Variants in TSHR observed in about 807,000 individuals in gnomAD.
TSHR encodes thyroid stimulating hormone receptor, also known as thyrotropin receptor.
In TSHR, 51 loss-of-function variants were observed where a neutral mutation model predicts 64.1. The observed-to-expected ratio is 0.80, with a 90% CI of 0.64 to 1.01. TSHR has a LOEUF of 1.01. TSHR is among the 50% of genes least tolerant of loss of function. The pLI is 0.00. For synonymous variants in TSHR, 361 were observed against 361.9 expected (o/e 1.00, Z 0.03); for missense variants, 877 against 942.8 (o/e 0.93, Z 0.91).
chr14:81,013,162 C>G (rs567890433), intron 1 of TSHR: 1 of 152,294 alleles, frequency 6.6e-6, no homozygotes, highest in South Asian at 2.1e-4. Flanking sequence ...CTACATATGG[C>G]TAGCCCGTTT....
rs111240292 is a variant in TSHR, at chr14:81,046,011, C to T, written c.171-16137C>T. ...CTGCCTTGATAAGGATGGCTGAATGCTAGTCTCAGGTGGAACTTTGCTGCA... is the reference window on the plus strand; with the variant it reads ...CTGCCTTGATAAGGATGGCTGAATGTTAGTCTCAGGTGGAACTTTGCTGCA... On this transcript the variant is annotated intron_variant, in intron 1 of 9. Transcript: ENST00000298171. Among the ~76,000 whole-genome samples, 854 of 152,274 alleles carry T rather than the reference C, an allele frequency of 5.6e-3. 10 individuals are homozygous for T. Among genetic ancestry groups the T allele is most frequent in the Middle Eastern group, 0.031 (9 of 294 alleles).
chr14:81,104,086 T>C lies in TSHR; in HGVS notation c.615-4289T>C, dbSNP rs184289320. The stretch of plus-strand genomic sequence containing the variant: ...TATTATTTATCATGGGGTAAGTATT[T>C]GAACAGCTTGTAGGATATACTCTAA... On this transcript the variant is annotated intron_variant, in intron 7 of 9. Transcript: ENST00000298171. The C allele has an allele frequency of 1.9e-4, 184 of 985,454 alleles. No homozygotes were observed. In the African/African-American group the frequency reaches 3.0e-3, roughly 16 times the overall value. The allele number at this position is 985,454 out of a possible 1,614,324, so 61.0% of individuals were successfully genotyped here. A position where few individuals can be genotyped will look rare whatever the true frequency, so the allele number is the denominator to read the frequency against.
At chr14:80,964,945 C>G (rs1262033072) in intron 1 of TSHR, among the ~76,000 whole-genome samples, 3 of 152,098 alleles carry the variant, frequency 2.0e-5, no homozygotes, top group African/African-American at 7.2e-5. Flanking sequence ...TACTTGAGAC[C>G]ATCATTGTGA....
chr14:81,062,330 A>T, intron 2 of TSHR, 111 bp downstream of exon 2: 2 of 742,642 alleles, frequency 2.7e-6, no homozygotes, highest in East Asian at 5.4e-5. Flanking sequence ...AATGGCAGTT[A>T]TATTGTCAAT....
At chr14:80,989,887 G>A (rs1888641917) in intron 1 of TSHR, among the ~76,000 whole-genome samples, 1 of 152,090 alleles carries the variant, frequency 6.6e-6, no homozygotes, top group Non-Finnish European at 1.5e-5. Flanking sequence ...ATCAGCCAGC[G>A]ACCAACGGAG....
At chr14:81,058,391 A>T (rs1885977892) in intron 1 of TSHR, among the ~76,000 whole-genome samples, 1 of 152,224 alleles carries the variant, frequency 6.6e-6, no homozygotes, top group Admixed American at 6.5e-5. Flanking sequence ...TCTCTCACAT[A>T]ATTTCTATAT....
At chr14:81,112,472 A>G (rs1487938070) in intron 8 of TSHR, among the ~76,000 whole-genome samples, 2 of 152,048 alleles carry the variant, frequency 1.3e-5, no homozygotes, top group Non-Finnish European at 2.9e-5. Context: ...CACAAGTATC[A>G]TGAGAATGTG....
At position 81,065,567 on chromosome 14, in the gene TSHR, T is replaced by C. The variant is rs370143952; in HGVS notation, c.243-2687T>C. On this transcript the variant is annotated intron_variant, in intron 2 of 9. Transcript: ENST00000298171. ...CCACTGAGGCTTCCCCCAGGGAGAC[T>C]GCTGGATTCTCCAGTCTGGGTTAAG... 1.2e-4 allele frequency among the ~76,000 whole-genome samples: 19 copies of C among 152,268 alleles called. No individual in the cohort carries two copies. In the East Asian group the frequency reaches 3.3e-3, roughly 26 times the overall value.
In TSHR at chr14:81,091,378, G is replaced by T. The variant is rs560972923; in HGVS notation, c.467+235G>T. ...GAACAGTTCCAGTGGAGTGCTGGTT[G>T]GAGTGGGCTCAAGAGAGACTTGGGT... is the stretch of plus-strand genomic sequence containing the variant. On this transcript the variant is annotated intron_variant, in intron 5 of 9. Transcript: ENST00000298171. 6.6e-5 allele frequency among the ~76,000 whole-genome samples: 10 copies of T among 152,300 alleles called. No individual in the cohort carries two copies. In the South Asian group the frequency reaches 1.7e-3, roughly 25 times the overall value.
intron 1 of TSHR, chr14:80,994,620 G>A (rs1888912158): frequency 6.6e-6 from 1 of 152,156 alleles, no homozygotes; most frequent in Non-Finnish European, 1.5e-5. Flanking sequence ...GCAAAAGCAA[G>A]CAATGAAGAA....
At chr14:81,104,532 G>T (rs555854504) in intron 7 of TSHR, 2 of 985,336 alleles carry the variant, frequency 2.0e-6, no homozygotes, top group East Asian at 1.1e-4. Context: ...GGTATAGAGG[G>T]TGCCTCTTTC....
intron 1 of TSHR, among the ~76,000 whole-genome samples, chr14:81,040,534 A>T (rs1020281463): frequency 1.3e-5 from 2 of 152,138 alleles, no homozygotes; most frequent in African/African-American, 4.8e-5. Flanking sequence ...GACATACAGA[A>T]TGGGAGAAAA....
chr14:80,979,207 C>G (rs1888044932), intron 1 of TSHR, among the ~76,000 whole-genome samples: 1 of 151,910 alleles, frequency 6.6e-6, no homozygotes, highest in Non-Finnish European at 1.5e-5. Flanking sequence ...CACAGAAAGA[C>G]AAGTGGTGCA....
At chr14:81,089,218 C>G (rs929810002) in intron 4 of TSHR, among the ~76,000 whole-genome samples, 1 of 152,054 alleles carries the variant, frequency 6.6e-6, no homozygotes, top group Admixed American at 6.6e-5. Flanking sequence ...GAACTCCTGA[C>G]CTCAGGTGAT....
At chr14:81,130,788 GA>G (rs1472116634) in intron 8 of TSHR, among the ~76,000 whole-genome samples, 2 of 92,508 alleles carry the variant, frequency 2.2e-5, no homozygotes, top group Non-Finnish European at 3.8e-5. Context: ...TCAGGAGATC[GA>G]GACCATCCTG....
In TSHR at chr14:81,007,921, G is replaced by A. The variant is rs538859125; in HGVS notation, c.170+52071G>A. 5.9e-5 allele frequency among the ~76,000 whole-genome samples: 9 copies of A among 152,274 alleles called. No homozygotes were observed. The East Asian group carries it at 1.7e-3, about 29-fold the overall frequency. ...AACAGAGGGACTACAAAAAACCATT[G>A]TGAATGTAGCAATTTAATGATCTAC... On this transcript the variant is annotated intron_variant, in intron 1 of 9. Transcript: ENST00000298171.
chr14:81,088,985 G>C (rs568887353), intron 4 of TSHR, among the ~76,000 whole-genome samples: 17 of 104,796 alleles, frequency 1.6e-4, no homozygotes, highest in African/African-American at 6.4e-4. Flanking sequence ...AAAAATAGTT[G>C]CTTTTTTTTT....
chr14:81,081,235 C>T lies in TSHR; in HGVS notation c.318-6719C>T, dbSNP rs115231026. 1.8e-3 allele frequency among the ~76,000 whole-genome samples: 269 copies of T among 152,006 alleles called. 1 individual carries two copies. The highest frequency in any genetic ancestry group is 0.014 in the Middle Eastern group (4 of 294). On this transcript the variant is annotated intron_variant, in intron 3 of 9. Coordinates refer to ENST00000298171, the MANE Select transcript of TSHR (RefSeq NM_000369.5). ...AGACAATTTAATCACATAAGAAAAG[C>T]TTTTGTCATTATGTTATTTAAAATA...
chr14:81,062,521 T>C (rs188235874), intron 2 of TSHR, among the ~76,000 whole-genome samples: 2 of 152,274 alleles, frequency 1.3e-5, no homozygotes, highest in Admixed American at 1.3e-4. Flanking sequence ...TGTAAATCTC[T>C]CCTATAAACA....
Sources: gnomAD v4.1 joint callset for allele counts (sites outside exome capture counted in the v4.1 genomes callset) on GRCh38, gnomAD v4.1.1 for gene constraint, MANE v1.5 for transcripts, NCBI Gene and HGNC (gene_info 2026-07-23, HGNC 2026-07-21) for gene names.